Variants in MPPED2 observed in about 807,000 individuals in gnomAD.
The protein encoded by MPPED2 is metallophosphoesterase domain containing 2.
Under a neutral mutation model 33.0 loss-of-function variants are expected in MPPED2, and 5 were observed. The observed-to-expected ratio is 0.15, with a 90% confidence interval of 0.08 to 0.32. MPPED2 has a LOEUF of 0.32. Among genes scored for constraint, MPPED2 ranks in the 10% least tolerant of loss-of-function variants. The pLI, the probability that MPPED2 is intolerant of heterozygous loss-of-function variation, is 1.00. For synonymous variants in MPPED2, 136 were observed against 141.9 expected (o/e 0.96, Z 0.29); for missense variants, 275 against 372.1 (o/e 0.74, Z 2.15).
At chr11:30,480,345 T>C (rs1325607153) in intron 4 of MPPED2, among the ~76,000 whole-genome samples, 1 of 151,978 alleles carries the variant, frequency 6.6e-6, no homozygotes, top group African/African-American at 2.4e-5. Context: ...CTTTTCTTTC[T>C]TTTTTTTAAA....
At chr11:30,566,725 C>T (rs1485465935) in intron 2 of MPPED2, among the ~76,000 whole-genome samples, 5 of 152,128 alleles carry the variant, frequency 3.3e-5, no homozygotes, top group African/African-American at 1.2e-4. Flanking sequence ...GTTGTGAATA[C>T]AGACAGCAAA....
chr11:30,585,674 AG>A (rs1453169711), intron 1 of MPPED2, among the ~76,000 whole-genome samples: 1 of 151,846 alleles, frequency 6.6e-6, no homozygotes, highest in Non-Finnish European at 1.5e-5. Flanking sequence ...GGGAGCGAAG[AG>A]GTGGGGACCC....
intron 4 of MPPED2, among the ~76,000 whole-genome samples, chr11:30,454,401 T>G (rs1437161486): frequency 6.6e-6 from 1 of 151,908 alleles, no homozygotes; most frequent in Non-Finnish European, 1.5e-5. Flanking sequence ...TAGCAGGAAG[T>G]GAAGGCAAAC....
At chr11:30,395,981 C>G (rs1237864501) in intron 6 of MPPED2, among the ~76,000 whole-genome samples, 1 of 152,140 alleles carries the variant, frequency 6.6e-6, no homozygotes, top group African/African-American at 2.4e-5. Flanking sequence ...CTAACCGGTT[C>G]TTAAATTTCC....
At chr11:30,470,818 C>T (rs1950916483) in intron 4 of MPPED2, among the ~76,000 whole-genome samples, 1 of 152,044 alleles carries the variant, frequency 6.6e-6, no homozygotes, top group African/African-American at 2.4e-5. Context: ...TTTCAATGGC[C>T]GCTTCTTTCC....
intron 2 of MPPED2, among the ~76,000 whole-genome samples, chr11:30,555,005 A>G (rs1348750360): frequency 6.6e-6 from 1 of 152,052 alleles, no homozygotes; most frequent in African/African-American, 2.4e-5. Context: ...TGTCTCCTCC[A>G]CCATTTCCCA....
intron 4 of MPPED2, among the ~76,000 whole-genome samples, chr11:30,427,625 GT>G (rs1171674322): frequency 7.9e-6 from 1 of 127,264 alleles, no homozygotes; most frequent in Non-Finnish European, 1.8e-5. Context: ...TTCATGAAGA[GT>G]TTGTAAGTTC....
At chr11:30,523,114 G>C (rs74537508) in intron 3 of MPPED2, among the ~76,000 whole-genome samples, 1 of 151,544 alleles carries the variant, frequency 6.6e-6, no homozygotes, top group East Asian at 1.9e-4. Context: ...AGACTTTCAC[G>C]CAAAACCAAT....
chr11:30,572,284 C>T (rs1257503717), intron 2 of MPPED2, among the ~76,000 whole-genome samples: 1 of 152,072 alleles, frequency 6.6e-6, no homozygotes. Flanking sequence ...AAAAGCAAAT[C>T]TAATTTTAGA....
chr11:30,491,108 C>G (rs1951962312), intron 4 of MPPED2, among the ~76,000 whole-genome samples: 1 of 152,148 alleles, frequency 6.6e-6, no homozygotes, highest in South Asian at 2.1e-4. Context: ...AGGGACTCAC[C>G]TATGTGTAAA....
At chr11:30,481,555 G>A (rs1951488730) in intron 4 of MPPED2, among the ~76,000 whole-genome samples, 1 of 152,056 alleles carries the variant, frequency 6.6e-6, no homozygotes, top group Admixed American at 6.6e-5. Context: ...ATCACAAGTC[G>A]AGCCCTGTTT....
At chr11:30,474,246 T>G (rs976562012) in intron 4 of MPPED2, among the ~76,000 whole-genome samples, 11 of 152,192 alleles carry the variant, frequency 7.2e-5, no homozygotes, top group Non-Finnish European at 1.5e-4. Context: ...TCCTGTGCCA[T>G]GAACAGATGG....
At position 30,411,012 on chromosome 11, in the gene MPPED2, G is replaced by T. The variant is rs1318357489; in HGVS notation, c.*456C>A. On this transcript the variant is annotated 3_prime_UTR_variant, in exon 7 of 7. Transcript: ENST00000358117. ...AAATTGGGACCACATCTGCAAAAAA[G>T]AAGCATTACCAAGAAAACAACAACA... is the stretch of plus-strand genomic sequence containing the variant. 1 of 985,762 alleles carries T rather than the reference G, an allele frequency of 1.0e-6. No individual in the cohort carries two copies. The highest frequency in any genetic ancestry group is 1.2e-6 in the Non-Finnish European group (1 of 829,930). 61.1% of individuals were successfully genotyped at this position (985,762 alleles called of 1,614,324 possible).
At chr11:30,563,509 C>T (rs1368443159) in intron 2 of MPPED2, among the ~76,000 whole-genome samples, 1 of 152,020 alleles carries the variant, frequency 6.6e-6, no homozygotes, top group African/African-American at 2.4e-5. Flanking sequence ...AATGAGAGCT[C>T]CCAACAAACC....
intron 4 of MPPED2, among the ~76,000 whole-genome samples, chr11:30,474,315 T>C (rs1452335273): frequency 6.6e-6 from 1 of 152,202 alleles, no homozygotes; most frequent in Non-Finnish European, 1.5e-5. Context: ...TAAAATTTTT[T>C]CCACTAGTGA....
intron 3 of MPPED2, among the ~76,000 whole-genome samples, chr11:30,524,878 C>T (rs527608925): frequency 6.6e-6 from 1 of 152,262 alleles, no homozygotes; most frequent in East Asian, 1.9e-4. Flanking sequence ...TTTCTACCAT[C>T]TATGTCAAAA....
intron 4 of MPPED2, among the ~76,000 whole-genome samples, chr11:30,481,558 C>T (rs909058414): frequency 2.0e-5 from 3 of 152,058 alleles, no homozygotes; most frequent in Admixed American, 2.0e-4. Flanking sequence ...ACAAGTCGAG[C>T]CCTGTTTTGC....
intron 4 of MPPED2, among the ~76,000 whole-genome samples, chr11:30,430,003 T>C (rs914743498): frequency 9.2e-5 from 14 of 152,184 alleles, no homozygotes; most frequent in African/African-American, 3.4e-4. Context: ...CCATGTCCTA[T>C]TTATCTTGGT....
At chr11:30,531,581 C>T (rs1402235746) in intron 3 of MPPED2, among the ~76,000 whole-genome samples, 1 of 152,230 alleles carries the variant, frequency 6.6e-6, no homozygotes, top group African/African-American at 2.4e-5. Context: ...AGGCTACCAT[C>T]AGTAGCTACT....
Sources: gnomAD v4.1 joint callset for allele counts (sites outside exome capture counted in the v4.1 genomes callset) on GRCh38, gnomAD v4.1.1 for gene constraint, MANE v1.5 for transcripts, NCBI Gene and HGNC (gene_info 2026-07-23, HGNC 2026-07-21) for gene names.